GRM7: variants seen among roughly 807,000 people sequenced by gnomAD.
GRM7 encodes metabotropic glutamate receptor 7.
Under a neutral mutation model 84.5 loss-of-function variants are expected in GRM7, and 35 were observed. That is an observed-to-expected ratio of 0.41 (90% CI 0.32 to 0.55). GRM7 has a LOEUF of 0.55. Ranked by LOEUF, GRM7 falls within the 20% of genes least tolerant of loss-of-function variation. The probability of loss-of-function intolerance (pLI) is 0.19; values close to 1 mark genes in which losing one functional copy is unlikely to be tolerated. For synonymous variants in GRM7, 487 were observed against 455.1 expected, an observed-to-expected ratio of 1.07 and a Z score of -0.89; for missense variants, 1,003 against 1,194.6, an observed-to-expected ratio of 0.84 and a Z score of 2.36.
chr3:6,882,507 C>G (rs954657765), intron 1 of GRM7, among the ~76,000 whole-genome samples: 3 of 152,176 alleles, frequency 2.0e-5, no homozygotes, highest in East Asian at 1.9e-4. Context: ...AGTTGCACCA[C>G]TGCCCCCCGG....
chr3:7,257,564 A>G (rs1221057707), intron 2 of GRM7, among the ~76,000 whole-genome samples: 1 of 152,208 alleles, frequency 6.6e-6, no homozygotes, highest in Non-Finnish European at 1.5e-5. Context: ...GGGCAAAACC[A>G]TGAATATGAA....
chr3:7,448,411 G>A (rs1697621159), intron 5 of GRM7, among the ~76,000 whole-genome samples: 1 of 152,168 alleles, frequency 6.6e-6, no homozygotes, highest in Admixed American at 6.5e-5. Flanking sequence ...AGTTCTTGCA[G>A]AGGAGATTGG....
At chr3:7,202,411 A>G (rs894345510) in intron 2 of GRM7, among the ~76,000 whole-genome samples, 2 of 151,976 alleles carry the variant, frequency 1.3e-5, no homozygotes, top group African/African-American at 4.8e-5. Context: ...GCTTACTGCA[A>G]CCTCTGCCTC....
intron 9 of GRM7, among the ~76,000 whole-genome samples, chr3:7,702,186 T>G (rs1701250676): frequency 6.6e-6 from 1 of 152,232 alleles, no homozygotes. Flanking sequence ...TACTGAAGTC[T>G]CAGGCCTTAG....
intron 4 of GRM7, among the ~76,000 whole-genome samples, chr3:7,378,790 AG>A (rs1694464091): frequency 6.6e-6 from 1 of 152,160 alleles, no homozygotes; most frequent in Non-Finnish European, 1.5e-5. Context: ...AACACTTATC[AG>A]GATTTTGCCA....
At chr3:7,731,425 C>T (rs1654613599) in intron 9 of GRM7, among the ~76,000 whole-genome samples, 1 of 152,186 alleles carries the variant, frequency 6.6e-6, no homozygotes, top group Admixed American at 6.5e-5. Flanking sequence ...ACTGCATTTG[C>T]AAAAGTTATA....
At chr3:6,876,838 AT>A (rs1695324601) in intron 1 of GRM7, among the ~76,000 whole-genome samples, 1 of 151,984 alleles carries the variant, frequency 6.6e-6, no homozygotes. Context: ...CTGACCTCAG[AT>A]GATCCACCTG....
intron 1 of GRM7, among the ~76,000 whole-genome samples, chr3:7,105,340 T>C (rs1699254209): frequency 6.6e-6 from 1 of 151,922 alleles, no homozygotes; most frequent in South Asian, 2.1e-4. Context: ...TACAACCATC[T>C]ATCCAGGGAT....
chr3:7,205,256 T>C (rs1696196465), intron 2 of GRM7, among the ~76,000 whole-genome samples: 1 of 152,238 alleles, frequency 6.6e-6, no homozygotes, highest in Non-Finnish European at 1.5e-5. Context: ...AAATAATAAC[T>C]GCAAAAGGCT....
intron 7 of GRM7, among the ~76,000 whole-genome samples, chr3:7,468,982 A>C (rs566940738): frequency 6.6e-6 from 1 of 152,360 alleles, no homozygotes; most frequent in African/African-American, 2.4e-5. Flanking sequence ...CACATGATCC[A>C]TAATTGCTCA....
rs117710516 is a variant in GRM7 at position 7,439,066 on chromosome 3, G to T, written c.1175-13541G>T. Among the ~76,000 whole-genome samples, 518 of 152,220 alleles carry T rather than the reference G, an allele frequency of 3.4e-3. 4 individuals are homozygous for T. The highest frequency in any genetic ancestry group is 9.7e-3 in the Admixed American group (148 of 15,282). ...TAATGTCATTAAAATGAATAAAATT[G>T]CCCAGGAAGGAGTGAGTGTGAGAAG... On this transcript the variant is annotated intron_variant, in intron 5 of 9. Transcript: ENST00000357716.
chr3:7,244,947 A>T (rs1697702585), intron 2 of GRM7, among the ~76,000 whole-genome samples: 1 of 152,056 alleles, frequency 6.6e-6, no homozygotes, highest in Non-Finnish European at 1.5e-5. Context: ...CAATGAATTA[A>T]GGGACACAAA....
intron 4 of GRM7, among the ~76,000 whole-genome samples, chr3:7,367,148 G>T (rs79157338): frequency 1 from 151,964 of 151,964 alleles, 75,982 homozygotes; most frequent in Non-Finnish European, 1. Flanking sequence ...TTGATGTATG[G>T]GTTCCATATT....
At chr3:7,574,254 G>T (rs1261173662) in intron 7 of GRM7, among the ~76,000 whole-genome samples, 1 of 151,198 alleles carries the variant, frequency 6.6e-6, no homozygotes, top group Non-Finnish European at 1.5e-5. Context: ...CCGCCTCCCG[G>T]GTTCAAGCAA....
chr3:7,315,670 C>T (rs986062009), intron 4 of GRM7, among the ~76,000 whole-genome samples: 1 of 152,302 alleles, frequency 6.6e-6, no homozygotes, highest in African/African-American at 2.4e-5. Context: ...GCACATTGAC[C>T]TCTGTTCTCA....
At chr3:7,268,035 G>A (rs962654380) in intron 2 of GRM7, among the ~76,000 whole-genome samples, 1 of 152,034 alleles carries the variant, frequency 6.6e-6, no homozygotes, top group African/African-American at 2.4e-5. Flanking sequence ...TCAGGCCTCC[G>A]CATCTCAATG....
intron 8 of GRM7, among the ~76,000 whole-genome samples, chr3:7,644,120 T>TTGTGTG (rs148514728): frequency 2.5e-5 from 3 of 119,916 alleles, no homozygotes; most frequent in Admixed American, 1.6e-4. Flanking sequence ...ACTGTGCATG[T>TTGTGTG]TGTGTGTGTG....
chr3:7,307,433 A>T (rs1048540894), intron 4 of GRM7, among the ~76,000 whole-genome samples: 14 of 152,234 alleles, frequency 9.2e-5, no homozygotes, highest in African/African-American at 3.1e-4. Context: ...TCTCTAAAAC[A>T]TGCTTTGCGC....
chr3:7,206,933 T>G (rs1559502255), intron 2 of GRM7, among the ~76,000 whole-genome samples: 2 of 152,112 alleles, frequency 1.3e-5, no homozygotes, highest in Non-Finnish European at 2.9e-5. Context: ...AAGTTTTTGT[T>G]GAAAATATGG....
Sources: gnomAD v4.1 joint callset for allele counts (sites outside exome capture counted in the v4.1 genomes callset) on GRCh38, gnomAD v4.1.1 for gene constraint, MANE v1.5 for transcripts, NCBI Gene and HGNC (gene_info 2026-07-23, HGNC 2026-07-21) for gene names.